The following ADGRL2 variants were observed in gnomAD, a reference collection of about 807,000 sequenced individuals.
ADGRL2 encodes the protein calcium-independent alpha-latrotoxin receptor 2.
In ADGRL2, 44 loss-of-function variants were observed where a neutral mutation model predicts 157.4. The observed-to-expected ratio is 0.28, with a 90% CI of 0.22 to 0.36. ADGRL2 has a LOEUF of 0.36. Among genes scored for constraint, ADGRL2 ranks in the 10% least tolerant of loss-of-function variants. The pLI is 1.00. For synonymous variants in ADGRL2, 585 were observed against 624.7 expected (o/e 0.94, Z 0.95); for missense variants, 1,510 against 1,768.9 (o/e 0.85, Z 2.63).
At chr1:81,395,173 A>G (rs1397911948) in intron 1 of ADGRL2, among the ~76,000 whole-genome samples, 1 of 152,118 alleles carries the variant, frequency 6.6e-6, no homozygotes, top group African/African-American at 2.4e-5. Context: ...GGCCTTTCAA[A>G]GTGCTAGGAT....
chr1:81,503,744 G>T (rs2078907374), intron 2 of ADGRL2, among the ~76,000 whole-genome samples: 1 of 152,106 alleles, frequency 6.6e-6, no homozygotes, highest in Non-Finnish European at 1.5e-5. Context: ...TTCCTCCAGG[G>T]TTCCCCAGCC....
Position 81,458,191 on chromosome 1 carries a change from A to G in ADGRL2, c.-248+13102A>G, listed in dbSNP as rs982233501. On this transcript the variant is annotated intron_variant, in intron 2 of 24. Transcript: ENST00000370721. ...AGACCTGAAAAATAGCAATTTGCCAATGGTTGGTAAATATTGTTTGTGATG... is the reference window on the plus strand; with the variant it reads ...AGACCTGAAAAATAGCAATTTGCCAGTGGTTGGTAAATATTGTTTGTGATG... Among the ~76,000 whole-genome samples the G allele has an allele frequency of 5.9e-5, 9 of 152,306 alleles. No homozygotes were observed. In the South Asian group the frequency reaches 1.7e-3, roughly 28 times the overall value.
At chr1:81,883,509 C>T (rs76114091) in intron 2 of ADGRL2, among the ~76,000 whole-genome samples, 2,229 of 152,050 alleles carry the variant, frequency 0.015, 44 homozygotes, top group African/African-American at 0.044. Flanking sequence ...AGAGTATAAG[C>T]GAATCCATTT....
intron 3 of ADGRL2, among the ~76,000 whole-genome samples, chr1:81,678,080 T>C (rs1360362976): frequency 2.0e-5 from 3 of 152,208 alleles, no homozygotes; most frequent in African/African-American, 7.2e-5. Context: ...CTCCCATATG[T>C]AGCCTTCTCA....
At chr1:81,898,015 G>C (rs1051491943) in intron 2 of ADGRL2, among the ~76,000 whole-genome samples, 22 of 152,014 alleles carry the variant, frequency 1.4e-4, no homozygotes, top group Non-Finnish European at 2.9e-5. Flanking sequence ...GGCTGATTTC[G>C]AGCCCATATG....
chr1:81,745,318 A>G (rs1345396941), intron 1 of ADGRL2, among the ~76,000 whole-genome samples: 1 of 152,208 alleles, frequency 6.6e-6, no homozygotes, highest in Non-Finnish European at 1.5e-5. Context: ...CATTCTTGGA[A>G]AAGTCACATA....
intron 1 of ADGRL2, among the ~76,000 whole-genome samples, chr1:81,372,826 T>C (rs796693570): frequency 6.6e-6 from 1 of 152,178 alleles, no homozygotes; most frequent in Admixed American, 6.5e-5. Context: ...TGTACTCCCA[T>C]ATTATTTTGC....
intron 1 of ADGRL2, among the ~76,000 whole-genome samples, chr1:81,374,295 G>A (rs949344709): frequency 1.3e-5 from 2 of 148,388 alleles, no homozygotes; most frequent in Non-Finnish European, 3.0e-5. Flanking sequence ...TGCCAACCAG[G>A]CATGGTGGCT....
chr1:81,552,987 T>C (rs1209489189), intron 2 of ADGRL2, among the ~76,000 whole-genome samples: 1 of 152,158 alleles, frequency 6.6e-6, no homozygotes, highest in Non-Finnish European at 1.5e-5. Context: ...AACTAATTGA[T>C]AATAGGTATT....
rs187239053 is a variant in ADGRL2, at chr1:81,740,406, T to G, written c.-142-21405T>G. 2.6e-4 allele frequency among the ~76,000 whole-genome samples: 39 copies of G among 152,338 alleles called. 1 individual carries two copies. The highest frequency in any genetic ancestry group is 8.9e-4 in the African/African-American group (37 of 41,584). On this transcript the variant is annotated intron_variant, in intron 1 of 20. Coordinates refer to the ADGRL2 transcript ENST00000359929. Reference sequence around the variant, plus strand: ...CCATGTCTGAAATGACATCTTATGTTTGAGTTCCAAGTAATGACCATTAAC... The same window carrying G: ...CCATGTCTGAAATGACATCTTATGTGTGAGTTCCAAGTAATGACCATTAAC...
intron 2 of ADGRL2, among the ~76,000 whole-genome samples, chr1:81,884,790 A>C (rs765669014): frequency 6.6e-6 from 1 of 152,190 alleles, no homozygotes; most frequent in Non-Finnish European, 1.5e-5. Context: ...GCTGATGAAG[A>C]AAATCATTTT....
intron 3 of ADGRL2, among the ~76,000 whole-genome samples, chr1:81,609,041 ATT>A (rs11348276): frequency 0.014 from 2,017 of 145,874 alleles, 29 homozygotes; most frequent in African/African-American, 0.041. Context: ...TGTACAAGTG[ATT>A]TTTTTTTTTT....
intron 1 of ADGRL2, among the ~76,000 whole-genome samples, chr1:81,760,584 C>T (rs1414260742): frequency 2.6e-5 from 4 of 151,904 alleles, no homozygotes; most frequent in Non-Finnish European, 5.9e-5. Context: ...TGGGGATAGA[C>T]ATCTATAAAA....
chr1:81,721,397 A>G (rs1168034935), intron 1 of ADGRL2, among the ~76,000 whole-genome samples: 4 of 152,140 alleles, frequency 2.6e-5, no homozygotes, highest in Admixed American at 2.6e-4. Context: ...TTAGTTATAT[A>G]TCCAAACAAC....
At chr1:81,548,713 A>G (rs1190801650) in intron 2 of ADGRL2, among the ~76,000 whole-genome samples, 1 of 152,150 alleles carries the variant, frequency 6.6e-6, no homozygotes, top group Non-Finnish European at 1.5e-5. Context: ...AAAATGTAGC[A>G]TTGTTTTCAT....
At chr1:81,712,452 C>A (rs550480890) in intron 1 of ADGRL2, among the ~76,000 whole-genome samples, 1 of 152,152 alleles carries the variant, frequency 6.6e-6, no homozygotes, top group African/African-American at 2.4e-5. Flanking sequence ...TAACATATGA[C>A]TTGGTGACCT....
intron 1 of ADGRL2, among the ~76,000 whole-genome samples, chr1:81,364,812 G>T (rs1440511796): frequency 6.6e-6 from 1 of 151,542 alleles, no homozygotes; most frequent in East Asian, 1.9e-4. Flanking sequence ...CAATTCTCCT[G>T]CCTCAGTCTC....
intron 1 of ADGRL2, among the ~76,000 whole-genome samples, chr1:81,738,348 C>T (rs1333490369): frequency 6.6e-6 from 1 of 152,128 alleles, no homozygotes; most frequent in East Asian, 1.9e-4. Context: ...ATTGAAGAAG[C>T]TCTCCAGTCT....
chr1:81,747,127 AT>A (rs2085307827), intron 1 of ADGRL2, among the ~76,000 whole-genome samples: 1 of 143,874 alleles, frequency 7.0e-6, no homozygotes, highest in African/African-American at 2.6e-5. Flanking sequence ...ATGTGTATAT[AT>A]GTATATATGT....
Sources: gnomAD v4.1 joint callset for allele counts (sites outside exome capture counted in the v4.1 genomes callset) on GRCh38, gnomAD v4.1.1 for gene constraint, MANE v1.5 for transcripts, NCBI Gene and HGNC (gene_info 2026-07-23, HGNC 2026-07-21) for gene names.